Variants in GNA13 observed in about 807,000 individuals in gnomAD.
GNA13 encodes G protein subunit alpha 13.
In GNA13, 4 loss-of-function variants were observed where a neutral mutation model predicts 33.5. That is an observed-to-expected ratio of 0.12 (90% CI 0.06 to 0.27). GNA13 has a LOEUF of 0.27. GNA13 is among the 10% of genes least tolerant of loss of function. The pLI is 1.00. For missense variants in GNA13, 319 were observed against 487.2 expected (o/e 0.65, Z 3.25); for synonymous variants, 176 against 183.8 (o/e 0.96, Z 0.34).
chr17:65,018,121 AAAAAAAAAAAAAAAAAAAG>A (rs1567817146), intron 3 of GNA13, 113 bp downstream of exon 3: 12 of 204,422 alleles, frequency 5.9e-5, no homozygotes, highest in African/African-American at 3.0e-4. Flanking sequence ...AAAAAAAAAA[AAAAAAAAAAAAAAAAAAAG>A]AGAGAAAGAA....
chr17:65,053,095 A>T (rs1907913553), intron 2 of GNA13: 1 of 162,206 alleles, frequency 6.2e-6, no homozygotes, highest in African/African-American at 2.4e-5. Flanking sequence ...TAAATTATGG[A>T]AGTCAGTGAA....
Position 65,056,366 on chromosome 17 carries a change from G to A in GNA13, c.228C>T (p.Phe76=). The change falls in exon 1 of 4, where the codon TTC becomes TTT. Residue 76 remains phenylalanine, a synonymous_variant. Coordinates refer to ENST00000439174, the MANE Select transcript of GNA13 (RefSeq NM_006572.6). ...KQMRIIHGQD[F]DQRAREEFRP... ...GGAACTCCTCGCGCGCGCGCTGGTC[G>A]AAGTCCTGCCCGTGGATGATCCGCA... is the stretch of plus-strand genomic sequence containing the variant. 6.2e-7 allele frequency: 1 copy of A among 1,613,014 alleles called. No individual in the cohort carries two copies.
chr17:65,040,775 G>A (rs962209958), intron 2 of GNA13, among the ~76,000 whole-genome samples: 14 of 152,146 alleles, frequency 9.2e-5, no homozygotes, highest in African/African-American at 2.9e-4. Flanking sequence ...ACAGCCATGA[G>A]CCACTCTGCC....
At chr17:65,056,264 C>CCCCCCCCCCCG in intron 1 of GNA13, 47 bp downstream of exon 1, 1 of 1,270,934 alleles carries the variant, frequency 7.9e-7, no homozygotes, top group East Asian at 2.6e-5. Flanking sequence ...CGCCGCCGCC[C>CCCCCCCCCCCG]CAGCCCCCCT....
At chr17:65,051,858 C>T (rs1907869926) in intron 2 of GNA13, 1 of 152,126 alleles carries the variant, frequency 6.6e-6, no homozygotes, top group Non-Finnish European at 1.5e-5. Context: ...CAGAAATAAA[C>T]ACATTACTTG....
At chr17:65,015,234 T>C (rs1906320584) in intron 3 of GNA13, among the ~76,000 whole-genome samples, 1 of 152,152 alleles carries the variant, frequency 6.6e-6, no homozygotes, top group South Asian at 2.1e-4. Context: ...GTCTTATCAA[T>C]TGTTCTTACC....
At chr17:65,041,893 A>G (rs1365886172) in intron 2 of GNA13, among the ~76,000 whole-genome samples, 1 of 152,246 alleles carries the variant, frequency 6.6e-6, no homozygotes, top group African/African-American at 2.4e-5. Flanking sequence ...AGAAGGATCA[A>G]TACTGGTTAG....
intron 2 of GNA13, among the ~76,000 whole-genome samples, chr17:65,026,481 T>C (rs1240296237): frequency 1.3e-5 from 2 of 152,206 alleles, no homozygotes; most frequent in Non-Finnish European, 2.9e-5. Context: ...TCACAAATCA[T>C]AAGCCAAGTT....
chr17:65,041,118 A>G (rs1907436878), intron 2 of GNA13, among the ~76,000 whole-genome samples: 1 of 152,236 alleles, frequency 6.6e-6, no homozygotes, highest in African/African-American at 2.4e-5. Flanking sequence ...AATTTTTTAA[A>G]AAGAGACTAA....
chr17:65,018,092 TAAAAAAAAAAAAAAAAAAAA>T (rs767082596), intron 3 of GNA13, among the ~76,000 whole-genome samples, 141 bp downstream of exon 3: 2,439 of 21,516 alleles, frequency 0.11, 125 homozygotes, highest in Non-Finnish European at 0.15. Flanking sequence ...ACGCCACCAC[TAAAAAAAAAAAAAAAAAAAA>T]AAAAAAAAAA....
chr17:65,037,623 T>G (rs942314405), intron 2 of GNA13, among the ~76,000 whole-genome samples: 4 of 151,694 alleles, frequency 2.6e-5, no homozygotes, highest in African/African-American at 9.7e-5. Context: ...TCAAAAGATG[T>G]AGAGATTTCT....
In GNA13 at chr17:65,033,500, T is replaced by TA. The variant is rs963140259; in HGVS notation, c.511-15198dup. Reference sequence around the variant, plus strand: ...AGACCCTGCCTTTAAAAAAAATAATTAAAAAAAAAAAATTAAAAAAATTAC... The same window carrying TA: ...AGACCCTGCCTTTAAAAAAAATAATTAAAAAAAAAAAAATTAAAAAAATTAC... On this transcript the variant is annotated intron_variant, in intron 2 of 3. Transcript: ENST00000439174. Among the ~76,000 whole-genome samples the TA allele has an allele frequency of 3.0e-3, 431 of 143,258 alleles. 1 individual carries two copies. The highest frequency in any genetic ancestry group is 9.8e-3 in the African/African-American group (383 of 39,020). The allele number at this position is 143,258 out of a possible 152,430, so 94.0% of individuals were successfully genotyped here.
chr17:65,012,395 T>G lies in GNA13; in HGVS notation c.*1862A>C, dbSNP rs1208413667. The G allele has an allele frequency of 4.5e-6, 1 of 222,252 alleles. No homozygotes were observed. Among genetic ancestry groups the G allele is most frequent in the Non-Finnish European group, 9.0e-6 (1 of 111,308 alleles). The allele number at this position is 222,252 out of a possible 1,614,324, so 13.8% of individuals were successfully genotyped here. The stretch of plus-strand genomic sequence containing the variant: ...TGCAATTATGCTAATTTTGTGAATT[T>G]AAACAATGTATTCTTTTTGGCAAGA... On this transcript the variant is annotated 3_prime_UTR_variant, in exon 4 of 4. Coordinates refer to ENST00000439174, the MANE Select transcript of GNA13 (RefSeq NM_006572.6).
intron 2 of GNA13, among the ~76,000 whole-genome samples, chr17:65,042,511 C>T (rs947661933): frequency 2.0e-5 from 3 of 152,054 alleles, no homozygotes; most frequent in South Asian, 4.1e-4. Flanking sequence ...CTGAGGTGGG[C>T]AGATCAATTG....
rs538888788 is a variant in GNA13, at chr17:65,031,114, T to C, written c.511-12811A>G. On this transcript the variant is annotated intron_variant, in intron 2 of 3. Transcript: ENST00000439174. ...GCTATAAAGAGCAGAACATCTTAAT[T>C]ACTAGCATACACAGCCTACTACATA... Among the ~76,000 whole-genome samples the C allele has an allele frequency of 9.2e-5, 14 of 152,312 alleles. No homozygotes were observed. In the South Asian group the frequency reaches 2.7e-3, roughly 29 times the overall value.
chr17:65,032,086 T>C (rs763929379), intron 2 of GNA13, among the ~76,000 whole-genome samples: 10 of 152,182 alleles, frequency 6.6e-5, no homozygotes, highest in Non-Finnish European at 1.3e-4. Context: ...AGTAGGCTTA[T>C]AATGAAGTCT....
intron 2 of GNA13, among the ~76,000 whole-genome samples, chr17:65,050,932 A>C: frequency 6.6e-6 from 1 of 152,138 alleles, no homozygotes; most frequent in East Asian, 1.9e-4. Flanking sequence ...AACTGGCTCA[A>C]GTCAACAACA....
chr17:65,030,454 G>A (rs1906961520), intron 2 of GNA13, among the ~76,000 whole-genome samples: 1 of 152,222 alleles, frequency 6.6e-6, no homozygotes, highest in Admixed American at 6.5e-5. Flanking sequence ...TTCTGATAAT[G>A]AGAATGTTAG....
chr17:65,036,478 G>T (rs1349867362), intron 2 of GNA13, among the ~76,000 whole-genome samples: 3 of 152,200 alleles, frequency 2.0e-5, no homozygotes, highest in Non-Finnish European at 4.4e-5. Context: ...GACCAAGGTG[G>T]GTGAATTGCT....
Sources: gnomAD v4.1 joint callset for allele counts (sites outside exome capture counted in the v4.1 genomes callset) on GRCh38, gnomAD v4.1.1 for gene constraint, MANE v1.5 for transcripts, NCBI Gene and HGNC (gene_info 2026-07-23, HGNC 2026-07-21) for gene names.